Variants in TMEM126A observed in about 807,000 individuals in gnomAD.
TMEM126A encodes the protein transmembrane protein 126A.
A neutral mutation model predicts 18.3 loss-of-function variants in TMEM126A; 10 were observed. That is an observed-to-expected ratio of 0.55 (90% confidence interval 0.34 to 0.93). The LOEUF (loss-of-function observed/expected upper bound fraction) is 0.93, where lower values mean the gene tolerates loss of function less well. Among genes scored for constraint, TMEM126A ranks in the 40% least tolerant of loss-of-function variants. The pLI, the probability that TMEM126A is intolerant of heterozygous loss-of-function variation, is 0.02. For missense variants in TMEM126A, 246 were observed against 230.2 expected (o/e 1.07, Z -0.44); for synonymous variants, 68 against 78.1 (o/e 0.87, Z 0.68).
rs770737681 is a variant in TMEM126A at position 85,654,157 on chromosome 11, A to G, written c.181A>G (p.Thr61Ala). Residue 61 changes from threonine (T) to alanine (A), a missense_variant, in exon 3 of 5, where the codon ACA becomes GCA. Transcript: ENST00000304511. The stretch of plus-strand genomic sequence containing the variant: ...TCTTTTTCGACGCATCTTGAATGTG[A>G]CAAAGGCTCGCATAGCTGCTGGCTT... ...NSLFRRILNV[T>A]KARIAAGLPM... 1 of 1,614,192 alleles carries G rather than the reference A, an allele frequency of 6.2e-7. No individual in the cohort carries two copies. The highest frequency in any genetic ancestry group is 2.2e-5 in the East Asian group (1 of 44,876).
In TMEM126A at chr11:85,654,205, C is replaced by G; in HGVS notation, c.229C>G (p.Leu77Val). 6.2e-7 allele frequency: 1 copy of G among 1,614,192 alleles called. No homozygotes were observed. Among genetic ancestry groups the G allele is most frequent in the Non-Finnish European group, 8.5e-7 (1 of 1,180,036 alleles). Residue 77 changes from leucine (L) to valine (V), a missense_variant, in exon 3 of 5, where the codon CTT becomes GTT. Leu to Val is a conservative substitution (Grantham distance 32). Coordinates refer to ENST00000304511, the MANE Select transcript of TMEM126A (RefSeq NM_032273.4). ...AGLPMAGIPF[L>V]TTDLTYRCFV... ...CTTACCAATGGCAGGGATACCTTTT[C>G]TTACAACAGACTTAACTTACAGATG...
At chr11:85,650,751 G>A (rs2082493178) in intron 2 of TMEM126A, among the ~76,000 whole-genome samples, 1 of 152,106 alleles carries the variant, frequency 6.6e-6, no homozygotes, top group Non-Finnish European at 1.5e-5. Context: ...AGAGAAATAG[G>A]ATCATGGCTA....
chr11:85,650,875 C>T (rs2082493958), intron 2 of TMEM126A, among the ~76,000 whole-genome samples: 1 of 151,956 alleles, frequency 6.6e-6, no homozygotes, highest in Non-Finnish European at 1.5e-5. Flanking sequence ...TTCAGACCAG[C>T]CTGGCCAACA....
intron 3 of TMEM126A, 97 bp downstream of exon 3, chr11:85,654,353 A>C: frequency 8.4e-7 from 1 of 1,194,600 alleles, no homozygotes; most frequent in Non-Finnish European, 1.2e-6. Flanking sequence ...TGTATGCTGT[A>C]ATGCAGTTAA....
At chr11:85,649,829 T>C (rs950869933) in intron 1 of TMEM126A, among the ~76,000 whole-genome samples, 29 of 152,242 alleles carry the variant, frequency 1.9e-4, no homozygotes, top group African/African-American at 6.5e-4. Flanking sequence ...TGTCAGTTTT[T>C]CCGTAGGGCT....
intron 2 of TMEM126A, among the ~76,000 whole-genome samples, chr11:85,650,563 TATA>T (rs2082491751): frequency 1.3e-5 from 2 of 152,242 alleles, no homozygotes; most frequent in Admixed American, 1.3e-4. Flanking sequence ...TACCTAATTG[TATA>T]ATGTTTTGAG....
intron 2 of TMEM126A, among the ~76,000 whole-genome samples, chr11:85,653,714 T>C (rs1459574601): frequency 6.6e-6 from 1 of 152,218 alleles, no homozygotes; most frequent in East Asian, 1.9e-4. Flanking sequence ...GAACATCTTC[T>C]GTGTCAGGCT....
intron 2 of TMEM126A, 65 bp downstream of exon 2, chr11:85,650,406 C>T: frequency 2.5e-6 from 3 of 1,186,970 alleles, no homozygotes; most frequent in Non-Finnish European, 3.7e-6. Flanking sequence ...GATTCATTAT[C>T]TCAAGTTTAT....
chr11:85,650,490 C>T, intron 2 of TMEM126A, 149 bp downstream of exon 2: 1 of 670,028 alleles, frequency 1.5e-6, no homozygotes, highest in Non-Finnish European at 2.7e-6. Context: ...AGCGTTTAAC[C>T]ATTTTGCTCA....
chr11:85,651,092 GATATT>G (rs1368618033), intron 2 of TMEM126A, among the ~76,000 whole-genome samples: 1 of 86,604 alleles, frequency 1.2e-5, no homozygotes, highest in Non-Finnish European at 2.4e-5. Flanking sequence ...AAAAAAAAAA[GATATT>G]AAAGAGAAAA....
chr11:85,650,383 G>A, intron 2 of TMEM126A, 42 bp downstream of exon 2: 1 of 1,337,928 alleles, frequency 7.5e-7, no homozygotes. Flanking sequence ...TTATCAGGTG[G>A]ATTTTCACCA....
intron 4 of TMEM126A, 23 bp downstream of exon 4, chr11:85,655,731 T>A (rs1163942996): frequency 8.0e-6 from 12 of 1,499,010 alleles, no homozygotes; most frequent in Admixed American, 3.3e-5. Flanking sequence ...AAACTTTTTA[T>A]AATATGTGAT....
intron 3 of TMEM126A, 95 bp from the exon 4 acceptor site, chr11:85,655,494 TGAAAA>T: frequency 1.1e-6 from 1 of 897,988 alleles, no homozygotes; most frequent in Non-Finnish European, 1.9e-6. Context: ...ATATATTACC[TGAAAA>T]ATACCTGTGA....
At chr11:85,655,801 C>A in intron 4 of TMEM126A, 93 bp downstream of exon 4, 2 of 875,546 alleles carry the variant, frequency 2.3e-6, no homozygotes, top group Non-Finnish European at 3.8e-6. Context: ...GCATTTAGAC[C>A]AAAGGCAATG....
At chr11:85,654,974 C>G (rs2082527153) in intron 3 of TMEM126A, among the ~76,000 whole-genome samples, 2 of 151,848 alleles carry the variant, frequency 1.3e-5, no homozygotes, top group Non-Finnish European at 1.5e-5. Context: ...ACTCTTTATA[C>G]AGTAAATCTC....
At position 85,650,309 on chromosome 11, in the gene TMEM126A, C is replaced by T. The variant is rs1057521264; in HGVS notation, c.54C>T (p.Ser18=). ...NKENITIVDI[S]RKINQLPEAE... is the part of the protein sequence containing the mutation. ...AAAACATAACAATTGTTGATATATC[C>T]AGAAAAATTAACCAGCTTCCAGAAG... Residue 18 remains serine (S), a synonymous_variant, in exon 2 of 5, where the codon TCC becomes TCT. Transcript: ENST00000304511. 6.2e-7 allele frequency: 1 copy of T among 1,608,294 alleles called. No individual in the cohort carries two copies. The highest frequency in any genetic ancestry group is 8.5e-7 in the Non-Finnish European group (1 of 1,175,620).
intron 2 of TMEM126A, among the ~76,000 whole-genome samples, chr11:85,651,755 C>A (rs2082501942): frequency 6.6e-6 from 1 of 152,166 alleles, no homozygotes; most frequent in Admixed American, 6.5e-5. Context: ...CCCCACACTC[C>A]AACTCCACTC....
chr11:85,650,458 G>A (rs1306280966), intron 2 of TMEM126A, 117 bp downstream of exon 2: 2 of 819,958 alleles, frequency 2.4e-6, no homozygotes, highest in Non-Finnish European at 4.0e-6. Context: ...GAAGGAAATT[G>A]CCCTTTTCTT....
intron 2 of TMEM126A, among the ~76,000 whole-genome samples, chr11:85,653,584 CTCA>C (rs553797020): frequency 1.5e-4 from 23 of 152,326 alleles, no homozygotes; most frequent in African/African-American, 4.8e-4. Flanking sequence ...CAGTTTATTT[CTCA>C]TCAATGGGTT....
Sources: gnomAD v4.1 joint callset for allele counts (sites outside exome capture counted in the v4.1 genomes callset) on GRCh38, gnomAD v4.1.1 for gene constraint, MANE v1.5 for transcripts, NCBI Gene and HGNC (gene_info 2026-07-23, HGNC 2026-07-21) for gene names.